ANKRD55: variants seen among roughly 807,000 people sequenced by gnomAD.
ANKRD55 encodes the protein ankyrin repeat domain 55.
Under a neutral mutation model 60.6 loss-of-function variants are expected in ANKRD55, and 41 were observed. The observed-to-expected ratio is 0.68, with a 90% CI of 0.53 to 0.88. ANKRD55 has a LOEUF of 0.88. Ranked by LOEUF, ANKRD55 falls within the 40% of genes least tolerant of loss-of-function variation. The probability of loss-of-function intolerance (pLI) is 0.00; values close to 1 mark genes in which losing one functional copy is unlikely to be tolerated. For missense variants in ANKRD55, 732 were observed against 767.6 expected (o/e 0.95, Z 0.55); for synonymous variants, 264 against 290.3 (o/e 0.91, Z 0.92).
chr5:56,214,741 C>CT (rs1262821533), intron 2 of ANKRD55, among the ~76,000 whole-genome samples: 1 of 152,184 alleles, frequency 6.6e-6, no homozygotes, highest in Non-Finnish European at 1.5e-5. Flanking sequence ...AAAGGGACTG[C>CT]TATTCTAAGA....
At chr5:56,110,857 A>G (rs994488153) in intron 10 of ANKRD55, among the ~76,000 whole-genome samples, 1 of 152,246 alleles carries the variant, frequency 6.6e-6, no homozygotes, top group African/African-American at 2.4e-5. Context: ...CCAATCTGGT[A>G]CATACCACAC....
intron 7 of ANKRD55, chr5:56,127,651 G>C: frequency 1.3e-6 from 1 of 799,832 alleles, no homozygotes; most frequent in Non-Finnish European, 1.5e-6. Flanking sequence ...AAGCAGAACT[G>C]TCTGAGCAGA....
Position 56,113,107 on chromosome 5 carries a change from T to TCTC in ANKRD55, c.966-1328_966-1326dup, listed in dbSNP as rs1257189710. On this transcript the variant is annotated intron_variant, in intron 9 of 11. Coordinates refer to ENST00000341048, the MANE Select transcript of ANKRD55 (RefSeq NM_024669.3). Reference sequence around the variant, plus strand: ...CTATTGCAGCATCTTGTGTAAGCCATCTCCTCCTCCTGTTACAGCTTGTGC... The same window carrying TCTC: ...CTATTGCAGCATCTTGTGTAAGCCATCTCCTCCTCCTCCTGTTACAGCTTGTGC... 7.2e-5 allele frequency among the ~76,000 whole-genome samples: 11 copies of TCTC among 152,322 alleles called. No homozygotes were observed. In the East Asian group the frequency reaches 2.1e-3, roughly 29 times the overall value.
intron 2 of ANKRD55, among the ~76,000 whole-genome samples, chr5:56,199,521 C>T (rs1759308792): frequency 6.6e-6 from 1 of 151,126 alleles, no homozygotes; most frequent in Non-Finnish European, 1.5e-5. Flanking sequence ...CTTAAAGTGG[C>T]TTTTGAACAT....
chr5:56,166,960 A>G (rs1758498923), intron 5 of ANKRD55, among the ~76,000 whole-genome samples: 1 of 152,250 alleles, frequency 6.6e-6, no homozygotes, highest in Non-Finnish European at 1.5e-5. Context: ...TATGGCCATT[A>G]AAATAAATTC....
intron 5 of ANKRD55, among the ~76,000 whole-genome samples, chr5:56,168,462 CTTATT>C (rs1758535609): frequency 6.6e-6 from 1 of 152,136 alleles, no homozygotes; most frequent in South Asian, 2.1e-4. Context: ...TCACATTACT[CTTATT>C]TTACTTAGCA....
intron 8 of ANKRD55, among the ~76,000 whole-genome samples, chr5:56,125,143 A>G (rs1285761768): frequency 6.6e-6 from 1 of 152,196 alleles, no homozygotes. Context: ...ACTTTCCCTC[A>G]GCCTGCCTTT....
At chr5:56,204,319 CT>C (rs1759451336) in intron 2 of ANKRD55, among the ~76,000 whole-genome samples, 2 of 152,070 alleles carry the variant, frequency 1.3e-5, no homozygotes, top group African/African-American at 2.4e-5. Flanking sequence ...TGCAGAAGTT[CT>C]TTAGTTTAAT....
At chr5:56,115,244 A>T (rs1210314813) in intron 9 of ANKRD55, among the ~76,000 whole-genome samples, 2 of 137,996 alleles carry the variant, frequency 1.4e-5, no homozygotes, top group Non-Finnish European at 3.2e-5. Context: ...AAATAAGCAA[A>T]CCCCCAAACC....
At position 56,111,664 on chromosome 5, in the gene ANKRD55, G is replaced by T; in HGVS notation, c.1084C>A (p.Gln362Lys). Residue 362 changes from glutamine to lysine, a missense_variant, in exon 10 of 12, where the codon CAG (glutamine) becomes AAG (lysine). This residue lies in a region of ANKRD55 where 597 missense variants were observed against 607.5 expected (regional missense o/e 0.98). Transcript: ENST00000341048. ...KNKKEEQRAHQKDPSRDRYRE... is the reference protein window; with the variant it reads ...KNKKEEQRAHKKDPSRDRYRE... ...TATCGGTCCCTGCTGGGATCCTTCT[G>T]ATGGGCTCTCTGCTCTTCTTTCTTG... is the stretch of plus-strand genomic sequence containing the variant. 6.5e-7 allele frequency: 1 copy of T among 1,530,314 alleles called. No individual in the cohort carries two copies. The highest frequency in any genetic ancestry group is 8.7e-7 in the Non-Finnish European group (1 of 1,144,394). The allele number at this position is 1,530,314 out of a possible 1,614,324, so 94.8% of individuals were successfully genotyped here.
intron 3 of ANKRD55, among the ~76,000 whole-genome samples, chr5:56,176,583 TTTATCC>T (rs1758743745): frequency 6.6e-6 from 1 of 152,152 alleles, no homozygotes; most frequent in Non-Finnish European, 1.5e-5. Flanking sequence ...AACAGGCAGA[TTTATCC>T]TGACTTGGCT....
chr5:56,192,723 T>C, intron 2 of ANKRD55: 1 of 1,364,030 alleles, frequency 7.3e-7, no homozygotes, highest in Non-Finnish European at 1.0e-6. Context: ...CAGAATCATC[T>C]AGGAGGACAA....
chr5:56,101,478 G>T (rs902730721), intron 11 of ANKRD55, among the ~76,000 whole-genome samples: 4 of 152,084 alleles, frequency 2.6e-5, no homozygotes, highest in Non-Finnish European at 4.4e-5. Context: ...AGTAAGTATT[G>T]CTTATTTCAT....
chr5:56,202,786 T>C (rs888684088), intron 2 of ANKRD55, among the ~76,000 whole-genome samples: 3 of 152,218 alleles, frequency 2.0e-5, no homozygotes, highest in Non-Finnish European at 2.9e-5. Context: ...TTTCTTTGAA[T>C]GTTAGCATCT....
At chr5:56,199,902 A>G (rs1759325426) in intron 2 of ANKRD55, among the ~76,000 whole-genome samples, 1 of 150,792 alleles carries the variant, frequency 6.6e-6, no homozygotes, top group Non-Finnish European at 1.5e-5. Flanking sequence ...AAAAAAAAAA[A>G]AAGAGGCCGA....
intron 8 of ANKRD55, among the ~76,000 whole-genome samples, chr5:56,123,735 A>C (rs1757147856): frequency 6.6e-6 from 1 of 152,160 alleles, no homozygotes; most frequent in African/African-American, 2.4e-5. Flanking sequence ...GACCATCAAC[A>C]TGGAAGCGAT....
intron 7 of ANKRD55, among the ~76,000 whole-genome samples, chr5:56,140,566 A>G (rs1331269381): frequency 1.3e-5 from 2 of 152,242 alleles, no homozygotes; most frequent in African/African-American, 4.8e-5. Context: ...TGCAAGACAC[A>G]TAGTGGATGC....
intron 6 of ANKRD55, chr5:56,146,817 G>C (rs973365536): frequency 6.6e-6 from 1 of 152,188 alleles, no homozygotes; most frequent in African/African-American, 2.4e-5. Flanking sequence ...TCTGAGGTCA[G>C]GTGCGTTCAG....
intron 6 of ANKRD55, among the ~76,000 whole-genome samples, chr5:56,151,444 C>A (rs781551511): frequency 6.6e-6 from 1 of 151,982 alleles, no homozygotes; most frequent in Non-Finnish European, 1.5e-5. Context: ...GAAGAAAGGG[C>A]CATAAAATAA....
Sources: allele counts gnomAD v4.1 joint callset (sites outside exome capture counted in the v4.1 genomes callset), GRCh38; gene constraint gnomAD v4.1.1; regional missense constraint gnomAD v4.1.1; transcripts MANE v1.5; gene names NCBI Gene and HGNC (gene_info 2026-07-23, HGNC 2026-07-21).